CCDC3: variants seen among roughly 807,000 people sequenced by gnomAD.
CCDC3 encodes the protein coiled-coil domain-containing protein 3.
In CCDC3, 24 loss-of-function variants were observed where a neutral mutation model predicts 21.4. That is an observed-to-expected ratio of 1.12 (90% CI 0.81 to 1.58). The LOEUF (loss-of-function observed/expected upper bound fraction) is 1.58. CCDC3 is among the 40% of genes most tolerant of loss of function. The pLI is 0.00. For synonymous variants in CCDC3, 186 were observed against 166.0 expected, an observed-to-expected ratio of 1.12 and a Z score of -0.93; for missense variants, 425 against 360.9, an observed-to-expected ratio of 1.18 and a Z score of -1.44.
intron 2 of CCDC3, among the ~76,000 whole-genome samples, chr10:12,915,871 T>C (rs1350633873): frequency 6.6e-6 from 1 of 151,238 alleles, no homozygotes; most frequent in Non-Finnish European, 1.5e-5. Context: ...CCTGAGTCCA[T>C]GAAGGCAACC....
intron 2 of CCDC3, 104 bp from the exon 3 acceptor site, chr10:12,898,783 C>T: frequency 7.6e-7 from 1 of 1,323,580 alleles, no homozygotes. Context: ...GCAACACAGA[C>T]CCCGATTCCC....
At chr10:13,080,376 A>G (rs776356602) in intron 3 of CCDC3, among the ~76,000 whole-genome samples, 30 of 152,252 alleles carry the variant, frequency 2.0e-4, no homozygotes, top group Non-Finnish European at 4.0e-4. Flanking sequence ...AGCCATAAAA[A>G]ATGTTACAAA....
intron 3 of CCDC3, among the ~76,000 whole-genome samples, chr10:13,083,897 C>T (rs1471700281): frequency 1.3e-5 from 2 of 152,174 alleles, no homozygotes; most frequent in African/African-American, 4.8e-5. Flanking sequence ...CTGCGAGGAG[C>T]ACCCTTTCTG....
rs1554764903 is a variant in CCDC3, at chr10:13,054,173, A to AG, written c.-269-4233dup. On this transcript the variant is annotated intron_variant, in intron 4 of 6. Transcript: ENST00000378839. The stretch of plus-strand genomic sequence containing the variant: ...CTGTATCAAAAAAAAAAAAAAAAAA[A>AG]GAGGAAACTTGGCAAGGGGCACACC... 5.4e-5 allele frequency among the ~76,000 whole-genome samples: 8 copies of AG among 148,074 alleles called. No homozygotes were observed. In the East Asian group the frequency reaches 1.6e-3, roughly 29 times the overall value.
chr10:12,986,521 T>C (rs555465530), intron 2 of CCDC3, among the ~76,000 whole-genome samples: 1 of 152,298 alleles, frequency 6.6e-6, no homozygotes, highest in East Asian at 1.9e-4. Context: ...ACGCCTGTAA[T>C]CCCAGCACTT....
chr10:12,996,909 T>C (rs562530778), intron 2 of CCDC3, among the ~76,000 whole-genome samples: 6 of 151,906 alleles, frequency 3.9e-5, no homozygotes, highest in Non-Finnish European at 7.4e-5. Flanking sequence ...ATGGCAACAA[T>C]AGACACGGGG....
chr10:13,013,767 T>A lies in CCDC3; in HGVS notation c.-1-15255A>T, dbSNP rs183875895. ...GATAAACACAAATTGAGGAACATTC[T>A]ACAAAATAACTGGCCTATAATCTTC... is the stretch of plus-strand genomic sequence containing the variant. On this transcript the variant is annotated intron_variant, in intron 5 of 6. Transcript: ENST00000378839. Among the ~76,000 whole-genome samples, 116 of 152,282 alleles carry A rather than the reference T, an allele frequency of 7.6e-4. 1 individual carries two copies. The highest frequency in any genetic ancestry group is 2.5e-3 in the African/African-American group (102 of 41,556).
At chr10:13,091,828 A>G (rs1274691082) in intron 3 of CCDC3, among the ~76,000 whole-genome samples, 1 of 129,680 alleles carries the variant, frequency 7.7e-6, no homozygotes, top group Non-Finnish European at 1.6e-5. Context: ...TCCAAAAAAA[A>G]AAAAAAAAAA....
rs562066614 is a variant in CCDC3 at position 13,013,285 on chromosome 10, G to A, written c.-1-14773C>T. 1.9e-4 allele frequency among the ~76,000 whole-genome samples: 29 copies of A among 152,310 alleles called. No individual in the cohort carries two copies. The South Asian group carries it at 5.4e-3, about 28-fold the overall frequency. ...AAATAGATGATTTCAGAGAGTAGAT[G>A]ATGAGTGGACATGAAAATTCTGATT... On this transcript the variant is annotated intron_variant, in intron 5 of 6. Coordinates refer to the CCDC3 transcript ENST00000378839.
At chr10:13,099,015 C>T (rs75113260) in intron 2 of CCDC3, 1 of 152,056 alleles carries the variant, frequency 6.6e-6, no homozygotes, top group Admixed American at 6.6e-5. Flanking sequence ...GCGCCTGGCC[C>T]TCCTGCACTG....
chr10:12,928,497 T>G (rs943024929), intron 2 of CCDC3, among the ~76,000 whole-genome samples: 1 of 152,176 alleles, frequency 6.6e-6, no homozygotes, highest in African/African-American at 2.4e-5. Flanking sequence ...TCATGATCAG[T>G]GATCCATTTT....
intron 5 of CCDC3, among the ~76,000 whole-genome samples, chr10:13,038,561 G>C (rs1339164555): frequency 6.6e-6 from 1 of 152,188 alleles, no homozygotes; most frequent in East Asian, 1.9e-4. Flanking sequence ...TATAGGACTT[G>C]CTGAGGCTTA....
At chr10:12,955,310 CT>C (rs145035456) in intron 2 of CCDC3, among the ~76,000 whole-genome samples, 1 of 152,280 alleles carries the variant, frequency 6.6e-6, no homozygotes, top group African/African-American at 2.4e-5. Flanking sequence ...AACCTGTAGT[CT>C]TTTGCTTAAG....
In CCDC3 at chr10:13,071,157, G is replaced by A. The variant is rs193056349; in HGVS notation, c.-270+2711C>T. The stretch of plus-strand genomic sequence containing the variant: ...AGCTAACCAAAGCCAAGCCCCATGC[G>A]TCCAAATCTTAGCAAGCATAACTAT... On this transcript the variant is annotated intron_variant, in intron 4 of 6. Coordinates refer to the CCDC3 transcript ENST00000378839. Among the ~76,000 whole-genome samples the A allele has an allele frequency of 1.9e-4, 29 of 152,232 alleles. No homozygotes were observed. The East Asian group carries it at 4.1e-3, about 21-fold the overall frequency.
At chr10:12,910,242 G>T in intron 2 of CCDC3, among the ~76,000 whole-genome samples, 1 of 152,198 alleles carries the variant, frequency 6.6e-6, no homozygotes, top group East Asian at 1.9e-4. Flanking sequence ...GTGCAATTTA[G>T]CAAGACCTTG....
intron 5 of CCDC3, among the ~76,000 whole-genome samples, chr10:13,007,640 G>C (rs1390657669): frequency 1.3e-5 from 2 of 152,020 alleles, no homozygotes; most frequent in Admixed American, 6.6e-5. Context: ...CCTTATAAAA[G>C]ACACTTCTGA....
intron 4 of CCDC3, among the ~76,000 whole-genome samples, chr10:13,055,130 G>A (rs1258277340): frequency 6.6e-6 from 1 of 152,160 alleles, no homozygotes; most frequent in Non-Finnish European, 1.5e-5. Flanking sequence ...AGGTGGTGCT[G>A]GCCTTTGGCC....
chr10:12,937,564 T>C (rs1005342178), intron 2 of CCDC3, among the ~76,000 whole-genome samples: 7 of 152,064 alleles, frequency 4.6e-5, no homozygotes, highest in Admixed American at 1.3e-4. Context: ...CTGGGCTCAA[T>C]TGATCCTCCC....
At chr10:12,964,376 G>A (rs75796442) in intron 2 of CCDC3, among the ~76,000 whole-genome samples, 49 of 146,960 alleles carry the variant, frequency 3.3e-4, no homozygotes, top group Non-Finnish European at 2.8e-4. Context: ...CCATCTTAAA[G>A]AAAAAAAAAA....
Sources: gnomAD v4.1 joint callset for allele counts (sites outside exome capture counted in the v4.1 genomes callset) on GRCh38, gnomAD v4.1.1 for gene constraint, MANE v1.5 for transcripts, NCBI Gene and HGNC (gene_info 2026-07-23, HGNC 2026-07-21) for gene names.